Variants in MAP4K2 observed in about 807,000 individuals in gnomAD.
MAP4K2 encodes the protein B lymphocyte serine/threonine protein kinase.
MAP4K2 carries 85 observed loss-of-function variants against 125.3 expected under a neutral mutation model. The ratio of observed to expected loss-of-function variants is 0.68; its 90% CI spans 0.57 to 0.81. The LOEUF (loss-of-function observed/expected upper bound fraction) is 0.81. Ranked by LOEUF, MAP4K2 falls within the 40% of genes least tolerant of loss-of-function variation. MAP4K2 has a pLI of 0.00. For synonymous variants in MAP4K2, 479 were observed against 445.1 expected, an observed-to-expected ratio of 1.08 and a Z score of -0.96; for missense variants, 923 against 1,056.4, an observed-to-expected ratio of 0.87 and a Z score of 1.75.
rs762816335 is a variant in MAP4K2, at chr11:64,799,639, G to A, written c.960C>T (p.His320=). Residue 320 remains histidine, a synonymous_variant, in exon 13 of 32, where the codon CAC becomes CAT. Transcript: ENST00000294066. Reference sequence around the variant, plus strand: ...CCGAGGGGGTCCTCTCGGCTGGGCCGTGCTGCCCCCGGGAGTGAATGGTGT... The same window carrying A: ...CCGAGGGGGTCCTCTCGGCTGGGCCATGCTGCCCCCGGGAGTGAATGGTGT... ...FPDTIHSRGQ[H]GPAERTPSEI... 3.2e-5 allele frequency: 52 copies of A among 1,613,912 alleles called. No individual in the cohort carries two copies. The highest frequency in any genetic ancestry group is 4.0e-5 in the Non-Finnish European group (47 of 1,180,042).
intron 10 of MAP4K2, 122 bp downstream of exon 10, chr11:64,800,642 G>A: frequency 7.4e-7 from 1 of 1,350,724 alleles, no homozygotes; most frequent in Non-Finnish European, 1.0e-6. Flanking sequence ...TGACTCAGAT[G>A]GTCTGTAGTA....
intron 10 of MAP4K2, 71 bp downstream of exon 10, chr11:64,800,693 T>G (rs976156203): frequency 1.9e-6 from 3 of 1,543,032 alleles, no homozygotes; most frequent in African/African-American, 1.4e-5. Flanking sequence ...CCCCCGGGAG[T>G]TGGCAGAGGC....
At chr11:64,800,075 G>C in intron 12 of MAP4K2, 34 bp downstream of exon 12, 1 of 1,523,002 alleles carries the variant, frequency 6.6e-7, no homozygotes, top group South Asian at 1.2e-5. Context: ...AAGCAGACCA[G>C]CCCAAGACTC....
chr11:64,803,183 G>A lies in MAP4K2; in HGVS notation c.-34C>T. On this transcript the variant is annotated 5_prime_UTR_variant, in exon 1 of 32. Coordinates refer to ENST00000294066, the MANE Select transcript of MAP4K2 (RefSeq NM_004579.5). ...GCCGGGCGGGCCGGCAGGCGGGCGG[G>A]CGCGAGCTGCGGAGCCGGCGCGGGG... 2 of 1,016,898 alleles carry A rather than the reference G, an allele frequency of 2.0e-6. No individual in the cohort carries two copies. Among genetic ancestry groups the A allele is most frequent in the Non-Finnish European group, 2.4e-6 (2 of 837,068 alleles). 63.0% of individuals were successfully genotyped at this position (1,016,898 alleles called of 1,614,324 possible). A position where few individuals can be genotyped will look rare whatever the true frequency, so the allele number is the denominator to read the frequency against.
rs1940190851 is a variant in MAP4K2 at position 64,785,959 on chromosome 11, A to AGG, written c.*3577_*3578insCC. ...GGCACCTTATGTGAGTTAGGAACTG[A>AGG]GTTATAACTTAAATACCCATGAACC... On this transcript the variant is annotated 3_prime_UTR_variant, in exon 32 of 32. Transcript: ENST00000294066. The AGG allele has an allele frequency of 6.6e-6, 1 of 152,178 alleles. No homozygotes were observed. The highest frequency in any genetic ancestry group is 2.4e-5 in the African/African-American group (1 of 41,430). 9.4% of individuals were successfully genotyped at this position (152,178 alleles called of 1,614,324 possible).
chr11:64,794,171 T>C (rs1439381885), intron 24 of MAP4K2, among the ~76,000 whole-genome samples: 3 of 152,212 alleles, frequency 2.0e-5, no homozygotes, highest in African/African-American at 7.2e-5. Context: ...CTAATAAGCA[T>C]GTTCATGCAA....
At position 64,797,206 on chromosome 11, in the gene MAP4K2, C is replaced by A. The variant is rs199717471; in HGVS notation, c.1277-14G>T. Reference sequence around the variant, plus strand: ...GGGGCAGGGTTCCTGCAGGCACAGGCGTGCTGTAATTTCCTGCTGTAGCCC... The same window carrying A: ...GGGGCAGGGTTCCTGCAGGCACAGGAGTGCTGTAATTTCCTGCTGTAGCCC... On this transcript the variant is annotated splice_polypyrimidine_tract_variant and intron_variant, in intron 18 of 31. Transcript: ENST00000294066. 4 of 1,611,976 alleles carry A rather than the reference C, an allele frequency of 2.5e-6. No homozygotes were observed. The South Asian group carries it at 4.4e-5, about 18-fold the overall frequency.
At chr11:64,798,894 G>C (rs369887820) in intron 14 of MAP4K2, 57 bp from the exon 15 acceptor site, 1 of 1,429,968 alleles carries the variant, frequency 7.0e-7, no homozygotes, top group African/African-American at 1.4e-5. Flanking sequence ...CAACGTGAGA[G>C]GGCGCTCAAG....
chr11:64,798,846 A>G lies in MAP4K2; in HGVS notation c.1054-9T>C, dbSNP rs977868452. The G allele has an allele frequency of 1.9e-5, 30 of 1,596,932 alleles. No individual in the cohort carries two copies. Among genetic ancestry groups the G allele is most frequent in the Non-Finnish European group, 2.5e-5 (29 of 1,171,566 alleles). Reference sequence around the variant, plus strand: ...GTCCACTCTTCCTCCCACTGGGGGAAACCAAGGTAGAGACCGGGGAAGAAG... The same window carrying G: ...GTCCACTCTTCCTCCCACTGGGGGAGACCAAGGTAGAGACCGGGGAAGAAG... On this transcript the variant is annotated splice_polypyrimidine_tract_variant and intron_variant, in intron 14 of 31. Transcript: ENST00000294066.
chr11:64,788,137 A>G lies in MAP4K2; in HGVS notation c.*1400T>C, dbSNP rs1373763446. The G allele has an allele frequency of 2.0e-5, 3 of 152,178 alleles. No individual in the cohort carries two copies. Among genetic ancestry groups the G allele is most frequent in the East Asian group, 1.9e-4 (1 of 5,186 alleles). 9.4% of individuals were successfully genotyped at this position (152,178 alleles called of 1,614,324 possible). On this transcript the variant is annotated 3_prime_UTR_variant, in exon 32 of 32. Transcript: ENST00000294066. ...AGGGTGGCTGAGGGGACAGTGTGAC[A>G]CCCTGGGAACCACTGAGCCTACTCG...
In MAP4K2 at chr11:64,789,643, G is replaced by C; in HGVS notation, c.2376-19C>G. Reference sequence around the variant, plus strand: ...GATGTCTCTGGAGGAGAGAGGAGTAGGGGGCAGGGCGGGAGACACTTGGTA... The same window carrying C: ...GATGTCTCTGGAGGAGAGAGGAGTACGGGGCAGGGCGGGAGACACTTGGTA... On this transcript the variant is annotated intron_variant, in intron 31 of 31. Transcript: ENST00000294066. 4 of 1,611,660 alleles carry C rather than the reference G, an allele frequency of 2.5e-6. No individual in the cohort carries two copies. The highest frequency in any genetic ancestry group is 3.4e-6 in the Non-Finnish European group (4 of 1,178,798).
In MAP4K2 at chr11:64,798,802, C is replaced by T. The variant is rs764914959; in HGVS notation, c.1089G>A (p.Glu363=). Residue 363 remains glutamate, a synonymous_variant, in exon 15 of 32, where the codon GAG becomes GAA. Coordinates refer to ENST00000294066, the MANE Select transcript of MAP4K2 (RefSeq NM_004579.5). ...EEEWTLLGKE[E]LSGSLLQSVQ... Reference sequence around the variant, plus strand: ...CCCCATACCTCACTTACCCACTCAACTCTTCCTTTCCCAGTAGTGTCCACT... The same window carrying T: ...CCCCATACCTCACTTACCCACTCAATTCTTCCTTTCCCAGTAGTGTCCACT... 1.1e-4 allele frequency: 174 copies of T among 1,611,138 alleles called. No individual in the cohort carries two copies. The highest frequency in any genetic ancestry group is 1.3e-5 in the African/African-American group (1 of 74,830).
chr11:64,800,085 C>G (rs765647254), intron 12 of MAP4K2, 24 bp downstream of exon 12: 2 of 1,555,230 alleles, frequency 1.3e-6, no homozygotes, highest in Non-Finnish European at 1.7e-6. Context: ...GCCCAAGACT[C>G]ACTTTCCAGC....
chr11:64,802,728 C>CACAG, intron 2 of MAP4K2, 75 bp from the exon 3 acceptor site: 1 of 1,501,040 alleles, frequency 6.7e-7, no homozygotes, highest in Non-Finnish European at 9.1e-7. Context: ...GCAAAATGGG[C>CACAG]ACAGAGTGCC....
At chr11:64,789,986 C>T (rs1321527029) in intron 29 of MAP4K2, 27 bp from the exon 30 acceptor site, 2 of 1,611,246 alleles carry the variant, frequency 1.2e-6, no homozygotes, top group East Asian at 2.2e-5. Flanking sequence ...ACCATCAGCC[C>T]TGCACCCATC....
At chr11:64,792,896 T>G (rs1282232404) in intron 24 of MAP4K2, among the ~76,000 whole-genome samples, 1 of 152,102 alleles carries the variant, frequency 6.6e-6, no homozygotes, top group Non-Finnish European at 1.5e-5. Context: ...TCACTGAAAG[T>G]CCTTGTCAGG....
chr11:64,793,046 G>C (rs893496869), intron 24 of MAP4K2, among the ~76,000 whole-genome samples: 5 of 152,088 alleles, frequency 3.3e-5, no homozygotes, highest in African/African-American at 1.2e-4. Context: ...GAGAAACCCT[G>C]TCTCTACTAA....
At position 64,796,261 on chromosome 11, in the gene MAP4K2, A is replaced by G. The variant is rs945311733; in HGVS notation, c.1751+12T>C. The stretch of plus-strand genomic sequence containing the variant: ...TCTGCCTCCCGCTCCCTGCACGCCC[A>G]AGATCCCTGACCTGGGGATGATGCG... On this transcript the variant is annotated intron_variant, in intron 24 of 31. Transcript: ENST00000294066. 3.3e-6 allele frequency: 5 copies of G among 1,520,846 alleles called. No homozygotes were observed. In the African/African-American group the frequency reaches 7.0e-5, roughly 21 times the overall value. The allele number at this position is 1,520,846 out of a possible 1,614,324, so 94.2% of individuals were successfully genotyped here. A position where few individuals can be genotyped will look rare whatever the true frequency, so the allele number is the denominator to read the frequency against.
At chr11:64,801,228 TC>T in intron 7 of MAP4K2, 45 bp from the exon 8 acceptor site, 1 of 1,595,200 alleles carries the variant, frequency 6.3e-7, no homozygotes, top group Non-Finnish European at 8.5e-7. Flanking sequence ...TGGCTGCCAC[TC>T]ACCCTCCCAC....
Sources: gnomAD v4.1 joint callset for allele counts (sites outside exome capture counted in the v4.1 genomes callset) on GRCh38, gnomAD v4.1.1 for gene constraint, MANE v1.5 for transcripts, NCBI Gene and HGNC (gene_info 2026-07-23, HGNC 2026-07-21) for gene names.